Variants in MCFD2 observed in about 807,000 individuals in gnomAD.
MCFD2 encodes multiple coagulation factor deficiency protein 2.
In MCFD2, 11 loss-of-function variants were observed where a neutral mutation model predicts 12.8. The ratio of observed to expected loss-of-function variants is 0.86; its 90% confidence interval spans 0.54 to 1.42. The LOEUF (loss-of-function observed/expected upper bound fraction) is 1.42, where lower values mean the gene tolerates loss of function less well. Ranked by LOEUF, MCFD2 falls within the 40% of genes most tolerant of loss-of-function variation. The pLI, the probability that MCFD2 is intolerant of heterozygous loss-of-function variation, is 0.00. For missense variants in MCFD2, 191 were observed against 178.6 expected, an observed-to-expected ratio of 1.07 and a Z score of -0.40; for synonymous variants, 70 against 68.1, an observed-to-expected ratio of 1.03 and a Z score of -0.14.
chr2:46,929,210 A>G (rs952589921), intron 1 of MCFD2, among the ~76,000 whole-genome samples: 2 of 152,094 alleles, frequency 1.3e-5, no homozygotes, highest in African/African-American at 4.8e-5. Context: ...TAGGCTGGGT[A>G]CAGTGGCTCA....
At chr2:46,933,591 CATAAG>C (rs1308005660) in intron 1 of MCFD2, among the ~76,000 whole-genome samples, 1 of 152,112 alleles carries the variant, frequency 6.6e-6, no homozygotes, top group Admixed American at 6.5e-5. Flanking sequence ...TTAAGTAAGA[CATAAG>C]ATACCATGGG....
chr2:46,920,423 G>A (rs1342951883), upstream of MCFD2, among the ~76,000 whole-genome samples: 6 of 152,026 alleles, frequency 3.9e-5, no homozygotes, highest in Non-Finnish European at 8.8e-5. Context: ...TTTGCCTCCT[G>A]GGTTCAAGCA....
At chr2:46,918,866 A>G (rs926880925), upstream of MCFD2, among the ~76,000 whole-genome samples, 5 of 152,258 alleles carry the variant, frequency 3.3e-5, no homozygotes, top group African/African-American at 1.2e-4. Flanking sequence ...GATTAAAGAA[A>G]GTAACGACTA....
At chr2:46,920,465 G>A (rs1244611054), upstream of MCFD2, among the ~76,000 whole-genome samples, 1 of 152,010 alleles carries the variant, frequency 6.6e-6, no homozygotes, top group Admixed American at 6.5e-5. Context: ...AAGTTGCTGG[G>A]ATTACAGGCA....
intron 1 of MCFD2, chr2:46,914,159 G>A (rs1216051030): frequency 6.6e-6 from 1 of 152,300 alleles, no homozygotes. Flanking sequence ...ATCCCACAGC[G>A]GATCTAGCCT....
rs1670244751 is a variant in MCFD2 at position 46,940,593 on chromosome 2, C to G, written c.-8+979G>C. Among the ~76,000 whole-genome samples, 1 of 152,224 alleles carries G rather than the reference C, an allele frequency of 6.6e-6. No homozygotes were observed. Among genetic ancestry groups the G allele is most frequent in the Non-Finnish European group, 1.5e-5 (1 of 68,036 alleles). On this transcript the variant is annotated intron_variant, in intron 1 of 2. Transcript: ENST00000409147. This position sits in a 1 kb window ranked among gnomAD's most constrained non-coding sequence, Gnocchi z 4.7. ...AATAAATACCAAGGTGGTGAAACAG[C>G]CTAAAGCCTTTAAGAAATCCAGGGC... is the stretch of plus-strand genomic sequence containing the variant.
chr2:46,923,365 C>A (rs531726754), intron 1 of MCFD2, among the ~76,000 whole-genome samples: 4 of 152,268 alleles, frequency 2.6e-5, no homozygotes, highest in South Asian at 4.1e-4. Context: ...TTCTGAATTA[C>A]CTGGGGGCTG....
upstream of MCFD2, chr2:46,917,095 C>G (rs1177738250): frequency 5.8e-6 from 4 of 686,248 alleles, no homozygotes; most frequent in South Asian, 6.2e-5. Context: ...GGTCTCATTC[C>G]TTTTCCCACC....
At chr2:46,923,568 A>G (rs980024710) in intron 1 of MCFD2, among the ~76,000 whole-genome samples, 2 of 152,106 alleles carry the variant, frequency 1.3e-5, no homozygotes, top group Non-Finnish European at 2.9e-5. Context: ...TTTTAACACA[A>G]AATTTCTTCC....
intron 1 of MCFD2, among the ~76,000 whole-genome samples, chr2:46,932,007 T>C (rs1441125691): frequency 1.3e-5 from 2 of 152,194 alleles, no homozygotes; most frequent in Non-Finnish European, 1.5e-5. Context: ...AAAAATCATA[T>C]GACAATCTCA....
At chr2:46,933,633 T>G (rs1669822498) in intron 1 of MCFD2, among the ~76,000 whole-genome samples, 1 of 152,200 alleles carries the variant, frequency 6.6e-6, no homozygotes, top group Non-Finnish European at 1.5e-5. Context: ...CCAATGATCA[T>G]GGTAATGAGT....
chr2:46,929,534 G>C (rs1381743370), intron 1 of MCFD2, among the ~76,000 whole-genome samples: 1 of 151,976 alleles, frequency 6.6e-6, no homozygotes, highest in Non-Finnish European at 1.5e-5. Flanking sequence ...ATAACATGTA[G>C]GTCAAATAAG....
At chr2:46,923,635 T>A (rs1455409792) in intron 1 of MCFD2, among the ~76,000 whole-genome samples, 1 of 152,184 alleles carries the variant, frequency 6.6e-6, no homozygotes, top group Non-Finnish European at 1.5e-5. Flanking sequence ...TTCATGCCTG[T>A]AATCCTAACA....
At chr2:46,915,244 T>A (rs1668671171) in intron 1 of MCFD2, among the ~76,000 whole-genome samples, 1 of 151,994 alleles carries the variant, frequency 6.6e-6, no homozygotes, top group South Asian at 2.1e-4. Context: ...GTGAAGCAAG[T>A]GAGAATGATG....
chr2:46,920,132 C>T (rs187339282), upstream of MCFD2, among the ~76,000 whole-genome samples: 48 of 152,274 alleles, frequency 3.2e-4, no homozygotes, highest in East Asian at 3.9e-3. Flanking sequence ...AATGAAAAGT[C>T]TGACTGTTGA....
At chr2:46,905,681 A>T in intron 3 of MCFD2, 87 bp from the exon 4 acceptor site, 5 of 925,472 alleles carry the variant, frequency 5.4e-6, no homozygotes, top group South Asian at 1.3e-5. Context: ...ATGTTCTTTC[A>T]TGGCACTGTT....
At chr2:46,914,837 G>A (rs371901805) in intron 1 of MCFD2, among the ~76,000 whole-genome samples, 4 of 152,230 alleles carry the variant, frequency 2.6e-5, no homozygotes, top group East Asian at 3.8e-4. Context: ...GAAGGAACTT[G>A]TTCTGATCTA....
At chr2:46,910,204 C>T (rs1398742002) in intron 1 of MCFD2, among the ~76,000 whole-genome samples, 2 of 152,142 alleles carry the variant, frequency 1.3e-5, no homozygotes, top group African/African-American at 4.8e-5. Context: ...TCTTGGAGGG[C>T]AGGGAGAACT....
Position 46,904,233 on chromosome 2 carries a change from G to T in MCFD2, c.*1230C>A, listed in dbSNP as rs965570611. 1 of 152,260 alleles carries T rather than the reference G, an allele frequency of 6.6e-6. No individual in the cohort carries two copies. Among genetic ancestry groups the T allele is most frequent in the African/African-American group, 2.4e-5 (1 of 41,450 alleles). The allele number at this position is 152,260 out of a possible 1,614,324, so 9.4% of individuals were successfully genotyped here. On this transcript the variant is annotated 3_prime_UTR_variant, in exon 4 of 4. Transcript: ENST00000319466. ...GGGAGAGGCCCTCTCAGCGGCAGGG[G>T]AGAGAACCTCTGCTAGGGCAGTGCA...
Sources: allele counts gnomAD v4.1 joint callset (sites outside exome capture counted in the v4.1 genomes callset), GRCh38; gene constraint gnomAD v4.1.1; non-coding constraint Gnocchi (gnomAD v3.1); transcripts MANE v1.5; gene names NCBI Gene and HGNC (gene_info 2026-07-23, HGNC 2026-07-21).